PTPRK: variants seen among roughly 807,000 people sequenced by gnomAD.
PTPRK encodes protein tyrosine phosphatase receptor type K.
PTPRK carries 75 observed loss-of-function variants against 178.0 expected under a neutral mutation model. The ratio of observed to expected loss-of-function variants is 0.42; its 90% CI spans 0.35 to 0.51. PTPRK has a LOEUF of 0.51. PTPRK is among the 20% of genes least tolerant of loss of function. The pLI, the probability that PTPRK is intolerant of heterozygous loss-of-function variation, is 0.02. For synonymous variants in PTPRK, 637 were observed against 620.6 expected, an observed-to-expected ratio of 1.03 and a Z score of -0.39; for missense variants, 1,441 against 1,797.8, an observed-to-expected ratio of 0.80 and a Z score of 3.59.
At chr6:128,318,999 A>G (rs540110431) in intron 3 of PTPRK, among the ~76,000 whole-genome samples, 1 of 152,316 alleles carries the variant, frequency 6.6e-6, no homozygotes, top group South Asian at 2.1e-4. Context: ...CTGAAAAGGC[A>G]TTGATTGTTC....
chr6:128,011,776 A>C (rs988252029), intron 13 of PTPRK, among the ~76,000 whole-genome samples: 1 of 151,218 alleles, frequency 6.6e-6, no homozygotes, highest in Admixed American at 6.6e-5. Context: ...TATTTCCAGA[A>C]ATAAAAAGCC....
intron 1 of PTPRK, among the ~76,000 whole-genome samples, chr6:128,486,208 T>TA (rs902052609): frequency 2.6e-5 from 4 of 151,680 alleles, no homozygotes; most frequent in African/African-American, 4.9e-5. Context: ...TAGTTTAGTT[T>TA]AAAAAACTAA....
chr6:128,255,026 T>C (rs557644793), intron 3 of PTPRK, among the ~76,000 whole-genome samples: 1 of 152,354 alleles, frequency 6.6e-6, no homozygotes, highest in East Asian at 1.9e-4. Flanking sequence ...AGTCTTGCTC[T>C]ATCGCCCAGG....
intron 1 of PTPRK, among the ~76,000 whole-genome samples, chr6:128,505,687 G>A (rs187499319): frequency 6.6e-6 from 1 of 152,260 alleles, no homozygotes; most frequent in Admixed American, 6.5e-5. Context: ...ACAAGGAAAA[G>A]AGAAGTTTGT....
chr6:128,390,910 A>G (rs1448685432), intron 2 of PTPRK, among the ~76,000 whole-genome samples: 2 of 152,076 alleles, frequency 1.3e-5, no homozygotes, highest in African/African-American at 4.8e-5. Context: ...CTTTTCTAAA[A>G]GTGCTTGAGT....
chr6:128,263,278 T>G (rs1293435549), intron 3 of PTPRK, among the ~76,000 whole-genome samples: 1 of 152,146 alleles, frequency 6.6e-6, no homozygotes, highest in African/African-American at 2.4e-5. Flanking sequence ...TAGAGACTAT[T>G]AATGAGGGAA....
chr6:127,999,285 C>A (rs1227712000), intron 15 of PTPRK, among the ~76,000 whole-genome samples: 1 of 151,942 alleles, frequency 6.6e-6, no homozygotes, highest in Non-Finnish European at 1.5e-5. Context: ...ATTAAGTCGA[C>A]CAAACTCCTT....
intron 1 of PTPRK, among the ~76,000 whole-genome samples, chr6:128,477,089 T>G (rs1332919564): frequency 1.3e-5 from 2 of 152,106 alleles, no homozygotes; most frequent in Non-Finnish European, 2.9e-5. Context: ...TTTACCCATT[T>G]TGGTGTGAAA....
rs564297632 is a variant in PTPRK, at chr6:128,457,411, T to C, written c.101-59723A>G. 6.6e-5 allele frequency among the ~76,000 whole-genome samples: 10 copies of C among 152,282 alleles called. No individual in the cohort carries two copies. In the South Asian group the frequency reaches 1.9e-3, roughly 28 times the overall value. ...GCAAACCTCATTCCACACAGAGAAG[T>C]AGGTAACAATATTGAGTAAGTTGAA... On this transcript the variant is annotated intron_variant, in intron 1 of 29. Transcript: ENST00000368226.
chr6:128,240,753 T>C (rs1197868129), intron 4 of PTPRK, among the ~76,000 whole-genome samples: 1 of 152,204 alleles, frequency 6.6e-6, no homozygotes, highest in Non-Finnish European at 1.5e-5. Context: ...ATAACCATAG[T>C]ATAGTAATCC....
chr6:128,214,646 C>T (rs1432850610), intron 6 of PTPRK, among the ~76,000 whole-genome samples: 1 of 151,896 alleles, frequency 6.6e-6, no homozygotes, highest in Non-Finnish European at 1.5e-5. Flanking sequence ...TCATATTTCT[C>T]TCCTAAGACT....
chr6:128,003,397 T>C (rs1778062474), intron 15 of PTPRK, among the ~76,000 whole-genome samples: 1 of 151,860 alleles, frequency 6.6e-6, no homozygotes, highest in African/African-American at 2.4e-5. Flanking sequence ...GCTTGGGTTA[T>C]ATCTAAACAT....
At chr6:128,452,103 C>G (rs1847867038) in intron 1 of PTPRK, among the ~76,000 whole-genome samples, 1 of 152,184 alleles carries the variant, frequency 6.6e-6, no homozygotes, top group Non-Finnish European at 1.5e-5. Flanking sequence ...CACATGGCAG[C>G]TTGAGCCCTC....
At chr6:128,158,405 A>G (rs1798239683) in intron 7 of PTPRK, among the ~76,000 whole-genome samples, 1 of 151,970 alleles carries the variant, frequency 6.6e-6, no homozygotes, top group South Asian at 2.1e-4. Flanking sequence ...AACTTAAAGT[A>G]TAATAATAAA....
chr6:128,017,756 A>T (rs997234009), intron 13 of PTPRK, among the ~76,000 whole-genome samples: 10 of 18,596 alleles, frequency 5.4e-4, no homozygotes, highest in African/African-American at 3.8e-3. Context: ...AAATAAATAT[A>T]TATACATATA....
At chr6:128,166,248 A>AT (rs969283893) in intron 7 of PTPRK, among the ~76,000 whole-genome samples, 1 of 150,968 alleles carries the variant, frequency 6.6e-6, no homozygotes. Flanking sequence ...CCAACAGAAA[A>AT]TTTTTTTTTC....
chr6:127,984,199 G>C (rs916137950), intron 22 of PTPRK, among the ~76,000 whole-genome samples: 1 of 152,054 alleles, frequency 6.6e-6, no homozygotes, highest in Non-Finnish European at 1.5e-5. Flanking sequence ...AAGGGTGATT[G>C]GCATATGCGT....
intron 3 of PTPRK, among the ~76,000 whole-genome samples, chr6:128,285,959 G>C (rs555601639): frequency 1.3e-5 from 2 of 152,122 alleles, no homozygotes; most frequent in Admixed American, 1.3e-4. Flanking sequence ...TGTTCGAACC[G>C]TGATCCACGA....
At chr6:128,466,711 C>T (rs1040933337) in intron 1 of PTPRK, among the ~76,000 whole-genome samples, 1 of 152,056 alleles carries the variant, frequency 6.6e-6, no homozygotes, top group African/African-American at 2.4e-5. Context: ...TACAATATGG[C>T]TCATTTTAAT....
Sources: gnomAD v4.1 joint callset for allele counts (sites outside exome capture counted in the v4.1 genomes callset) on GRCh38, gnomAD v4.1.1 for gene constraint, MANE v1.5 for transcripts, NCBI Gene and HGNC (gene_info 2026-07-23, HGNC 2026-07-21) for gene names.